The following DPY19L4 variants were observed in gnomAD, a reference collection of about 807,000 sequenced individuals.
DPY19L4 encodes the protein probable C-mannosyltransferase DPY19L4.
DPY19L4 carries 97 observed loss-of-function variants against 102.8 expected under a neutral mutation model. That is an observed-to-expected ratio of 0.94 (90% CI 0.80 to 1.12). The LOEUF (loss-of-function observed/expected upper bound fraction) is 1.12. Ranked by LOEUF, DPY19L4 falls within the 50% of genes most tolerant of loss-of-function variation. DPY19L4 has a pLI of 0.00. For missense variants in DPY19L4, 815 were observed against 850.4 expected (o/e 0.96, Z 0.52); for synonymous variants, 252 against 283.1 (o/e 0.89, Z 1.10).
chr8:94,721,394 T>A (rs1810456399), intron 1 of DPY19L4, among the ~76,000 whole-genome samples: 1 of 152,238 alleles, frequency 6.6e-6, no homozygotes, highest in Admixed American at 6.5e-5. Context: ...TTGTTTCCAT[T>A]GAGTTTTCAG....
intron 1 of DPY19L4, among the ~76,000 whole-genome samples, chr8:94,721,688 A>T (rs370181123): frequency 1.3e-5 from 2 of 152,258 alleles, no homozygotes; most frequent in Admixed American, 6.5e-5. Flanking sequence ...CAGTACTACA[A>T]TACTGAAAGT....
Position 94,783,814 on chromosome 8 carries a change from T to C in DPY19L4, c.1848+12T>C. On this transcript the variant is annotated intron_variant, in intron 17 of 18. Transcript: ENST00000414645. ...AGAGAAATGAAAATGTAAGACATTT[T>C]AAATTCTACATTTGGATCTCTTTTC... The C allele has an allele frequency of 6.2e-7, 1 of 1,613,618 alleles. No individual in the cohort carries two copies. Among genetic ancestry groups the C allele is most frequent in the African/African-American group, 1.3e-5 (1 of 75,040 alleles).
In DPY19L4 at chr8:94,765,429, G is replaced by A. The variant is rs4604401; in HGVS notation, c.1002+115G>A. 0.11 allele frequency: 108,157 copies of A among 979,670 alleles called. 6,613 individuals carry two copies. The highest frequency in any genetic ancestry group is 0.19 in the Admixed American group (6,880 of 36,182). The allele number at this position is 979,670 out of a possible 1,614,324, so 60.7% of individuals were successfully genotyped here. A position where few individuals can be genotyped will look rare whatever the true frequency, so the allele number is the denominator to read the frequency against. The stretch of plus-strand genomic sequence containing the variant: ...CAGCTCACTGCAACCTCTGCCTCCC[G>A]GGTTCAAGTGATTCTCCTGCCTCAG... On this transcript the variant is annotated intron_variant, in intron 9 of 18. Coordinates refer to ENST00000414645, the MANE Select transcript of DPY19L4 (RefSeq NM_181787.3).
In DPY19L4 at chr8:94,761,745, A is replaced by G. The variant is rs1812400765; in HGVS notation, c.781A>G (p.Met261Val). Residue 261 changes from methionine to valine, a missense_variant, in exon 8 of 19, where the codon ATG becomes GTG. By Grantham distance (21) the Met-to-Val change is conservative (BLOSUM62 1). Coordinates refer to ENST00000414645, the MANE Select transcript of DPY19L4 (RefSeq NM_181787.3). ...LMSASTYTFMMMWEYSHYLLF... is the reference protein window; with the variant it reads ...LMSASTYTFMVMWEYSHYLLF... Reference sequence around the variant, plus strand: ...GAGTGCTTCAACTTACACATTTATGATGATGTGGGAGTATAGCCACTATCT... The same window carrying G: ...GAGTGCTTCAACTTACACATTTATGGTGATGTGGGAGTATAGCCACTATCT... 2.5e-6 allele frequency: 4 copies of G among 1,611,168 alleles called. No individual in the cohort carries two copies. The highest frequency in any genetic ancestry group is 3.4e-6 in the Non-Finnish European group (4 of 1,178,920).
intron 13 of DPY19L4, among the ~76,000 whole-genome samples, chr8:94,777,098 C>T (rs753634385): frequency 2.9e-4 from 44 of 151,836 alleles, no homozygotes; most frequent in Admixed American, 6.6e-4. Flanking sequence ...GACAGAGTCT[C>T]GCTTTTCACC....
rs770366232 is a variant in DPY19L4 at position 94,726,348 on chromosome 8, C to A, written c.34C>A (p.Arg12Ser). The A allele has an allele frequency of 3.7e-6, 6 of 1,609,616 alleles. No homozygotes were observed. The highest frequency in any genetic ancestry group is 1.7e-4 in the Middle Eastern group (1 of 5,994). ...AEEEGPPVELRQRKKPKSSEN... is the reference protein window; with the variant it reads ...AEEEGPPVELSQRKKPKSSEN... The stretch of plus-strand genomic sequence containing the variant: ...ATTTTAAGGACCACCTGTAGAGCTG[C>A]GCCAAAGAAAAAAGCCAAAGTCTTC... The change falls in exon 2 of 19, where the codon CGC (arginine) becomes AGC (serine). Residue 12 changes from arginine (R) to serine (S), a missense_variant. Arg to Ser is a moderately radical substitution (Grantham distance 110). Transcript: ENST00000414645.
intron 7 of DPY19L4, among the ~76,000 whole-genome samples, chr8:94,757,305 A>G (rs983161875): frequency 4.6e-5 from 7 of 152,216 alleles, no homozygotes; most frequent in Non-Finnish European, 7.3e-5. Context: ...TTTCATTTTT[A>G]TAACTAGCAT....
chr8:94,765,041 T>C, intron 8 of DPY19L4, 142 bp from the exon 9 acceptor site: 1 of 679,506 alleles, frequency 1.5e-6, no homozygotes, highest in Non-Finnish European at 2.2e-6. Flanking sequence ...ATTAAAAATA[T>C]TGATTAAACA....
intron 1 of DPY19L4, among the ~76,000 whole-genome samples, chr8:94,724,109 A>T (rs1810587977): frequency 6.6e-6 from 1 of 152,202 alleles, no homozygotes; most frequent in Admixed American, 6.5e-5. Flanking sequence ...AACACATTTT[A>T]TGTGACTATT....
At chr8:94,729,668 A>T (rs956380639) in intron 2 of DPY19L4, among the ~76,000 whole-genome samples, 1 of 144,518 alleles carries the variant, frequency 6.9e-6, no homozygotes, top group African/African-American at 2.5e-5. Flanking sequence ...CAAAAAAATT[A>T]AAAAAAAAAA....
intron 6 of DPY19L4, among the ~76,000 whole-genome samples, chr8:94,743,120 C>T (rs377636286): frequency 6.4e-4 from 97 of 152,114 alleles, no homozygotes; most frequent in African/African-American, 2.0e-3. Flanking sequence ...CTCTGCCTCC[C>T]GCATTCAAGT....
intron 17 of DPY19L4, among the ~76,000 whole-genome samples, chr8:94,787,073 ATCC>A (rs1332379114): frequency 6.6e-6 from 1 of 152,184 alleles, no homozygotes; most frequent in African/African-American, 2.4e-5. Context: ...TGCAGAGAAC[ATCC>A]TCCCTTGTGT....
chr8:94,765,786 A>G lies in DPY19L4; in HGVS notation c.1078A>G (p.Ile360Val), dbSNP rs200461986. 46 of 1,564,470 alleles carry G rather than the reference A, an allele frequency of 2.9e-5. No individual in the cohort carries two copies. The Admixed American group carries it at 7.8e-4, about 27-fold the overall frequency. The change falls in exon 10 of 19, where the codon ATA becomes GTA. Residue 360 changes from isoleucine to valine, a missense_variant. By Grantham distance (29) the Ile-to-Val change is conservative. Transcript: ENST00000414645. ...TTTTTACTTGGTGTGTACTCTGACAATAACATTGAATATTATAATGAAGGT... is the reference window on the plus strand; with the variant it reads ...TTTTTACTTGGTGTGTACTCTGACAGTAACATTGAATATTATAATGAAGGT... Reference protein sequence around the residue: ...INFYLVCTLTITLNIIMKMFV... With the variant: ...INFYLVCTLTVTLNIIMKMFV...
chr8:94,748,940 A>G (rs1186000114), intron 6 of DPY19L4, among the ~76,000 whole-genome samples: 1 of 152,192 alleles, frequency 6.6e-6, no homozygotes, highest in Non-Finnish European at 1.5e-5. Flanking sequence ...TGGGAAATTT[A>G]CAAAAGAAAA....
intron 6 of DPY19L4, among the ~76,000 whole-genome samples, chr8:94,742,714 A>G (rs1322667645): frequency 1.3e-5 from 2 of 151,780 alleles, no homozygotes; most frequent in Non-Finnish European, 2.9e-5. Context: ...ACATGCCACA[A>G]TGCCCAGCTA....
chr8:94,767,876 A>G (rs1177871823), intron 11 of DPY19L4, among the ~76,000 whole-genome samples: 1 of 152,212 alleles, frequency 6.6e-6, no homozygotes, highest in Non-Finnish European at 1.5e-5. Context: ...TATAAAAATA[A>G]TTTGTAAACA....
At chr8:94,788,945 T>G (rs765261640) in intron 18 of DPY19L4, among the ~76,000 whole-genome samples, 1 of 152,236 alleles carries the variant, frequency 6.6e-6, no homozygotes, top group Non-Finnish European at 1.5e-5. Flanking sequence ...GACCCCTTAA[T>G]CTTGTAATAT....
chr8:94,761,452 C>T (rs1359059741), intron 7 of DPY19L4, among the ~76,000 whole-genome samples: 3 of 152,018 alleles, frequency 2.0e-5, no homozygotes, highest in Admixed American at 6.6e-5. Flanking sequence ...CCTTTGTCTT[C>T]CTGAAATTCT....
chr8:94,737,611 G>A (rs937741780), intron 3 of DPY19L4, among the ~76,000 whole-genome samples: 3 of 151,098 alleles, frequency 2.0e-5, no homozygotes, highest in Admixed American at 6.6e-5. Flanking sequence ...GTGAAACCCC[G>A]TCTCTACTAA....
Sources: gnomAD v4.1 joint callset for allele counts (sites outside exome capture counted in the v4.1 genomes callset) on GRCh38, gnomAD v4.1.1 for gene constraint, MANE v1.5 for transcripts, NCBI Gene and HGNC (gene_info 2026-07-23, HGNC 2026-07-21) for gene names.